The following AXDND1 variants were observed in gnomAD, a reference collection of about 807,000 sequenced individuals.
The protein encoded by AXDND1 is axonemal dynein light chain domain-containing protein 1.
Under a neutral mutation model 137.5 loss-of-function variants are expected in AXDND1, and 110 were observed. The observed-to-expected ratio is 0.80, with a 90% confidence interval of 0.69 to 0.94. The LOEUF (loss-of-function observed/expected upper bound fraction) is 0.94, where lower values mean the gene tolerates loss of function less well. AXDND1 is among the 40% of genes least tolerant of loss of function. The probability of loss-of-function intolerance (pLI) is 0.00; values close to 1 mark genes in which losing one functional copy is unlikely to be tolerated. For missense variants in AXDND1, 1,191 were observed against 1,169.8 expected (o/e 1.02, Z -0.26); for synonymous variants, 414 against 399.7 (o/e 1.04, Z -0.43).
intron 20 of AXDND1, chr1:179,506,999 T>C (rs1195535462): frequency 1.4e-6 from 1 of 709,792 alleles, no homozygotes; most frequent in Non-Finnish European, 1.7e-6. Context: ...GCTCCATTTA[T>C]AGCCAGTGTC....
intron 23 of AXDND1, among the ~76,000 whole-genome samples, chr1:179,529,701 T>A (rs1670876038): frequency 6.6e-6 from 1 of 152,168 alleles, no homozygotes; most frequent in Admixed American, 6.6e-5. Context: ...TCTCAATCTC[T>A]CCTGGGTCCT....
intron 21 of AXDND1, among the ~76,000 whole-genome samples, chr1:179,513,205 A>C (rs1669214545): frequency 6.6e-6 from 1 of 152,324 alleles, no homozygotes; most frequent in South Asian, 2.1e-4. Context: ...TGGATTTGCC[A>C]TAGATGGCTT....
rs1163785221 is a variant in AXDND1, at chr1:179,468,478, C to G, written c.1834C>G (p.Leu612Val). The change falls in exon 17 of 26, where the codon CTT becomes GTT. Residue 612 changes from leucine to valine, a missense_variant. Coordinates refer to ENST00000367618, the MANE Select transcript of AXDND1 (RefSeq NM_144696.6). Reference protein sequence around the residue: ...SKILPSLISSLDFCSFKLENL... With the variant: ...SKILPSLISSVDFCSFKLENL... ...AATTCTTCCAAGTTTGATTAGTTCT[C>G]TTGACTTCTGTTCTTTCAAGTTGGA... is the stretch of plus-strand genomic sequence containing the variant. 6.2e-7 allele frequency: 1 copy of G among 1,612,578 alleles called. No individual in the cohort carries two copies.
chr1:179,543,412 T>C (rs1434727546), intron 25 of AXDND1: 1 of 152,062 alleles, frequency 6.6e-6, no homozygotes, highest in Admixed American at 6.5e-5. Context: ...GGCAACCACA[T>C]GTAAGATGGA....
At chr1:179,410,707 C>T (rs1352425643) in intron 11 of AXDND1, among the ~76,000 whole-genome samples, 2 of 152,112 alleles carry the variant, frequency 1.3e-5, no homozygotes, top group African/African-American at 4.8e-5. Context: ...TTTAGTGGCT[C>T]ACAATTATTG....
intron 11 of AXDND1, among the ~76,000 whole-genome samples, chr1:179,408,577 G>A (rs957011700): frequency 1.3e-5 from 2 of 151,990 alleles, no homozygotes; most frequent in African/African-American, 2.4e-5. Flanking sequence ...ATGGGTTTTC[G>A]CCATGTTGGC....
chr1:179,419,335 AGT>A (rs1655278356), intron 12 of AXDND1, among the ~76,000 whole-genome samples: 1 of 151,946 alleles, frequency 6.6e-6, no homozygotes, highest in African/African-American at 2.4e-5. Flanking sequence ...TTGAGCACTG[AGT>A]GAACGAGACT....
chr1:179,388,870 A>G (rs902975390), intron 9 of AXDND1, among the ~76,000 whole-genome samples: 1 of 151,844 alleles, frequency 6.6e-6, no homozygotes, highest in African/African-American at 2.4e-5. Flanking sequence ...TGCTGGGATA[A>G]CAGGTGTGAG....
intron 16 of AXDND1, chr1:179,448,564 G>A: frequency 3.2e-6 from 1 of 308,388 alleles, no homozygotes; most frequent in Non-Finnish European, 6.4e-6. Context: ...GGCTACAGCT[G>A]AAATTTTCTA....
chr1:179,547,113 A>G (rs961138106), intron 25 of AXDND1, among the ~76,000 whole-genome samples: 1 of 152,236 alleles, frequency 6.6e-6, no homozygotes, highest in African/African-American at 2.4e-5. Context: ...CTGAAATCAA[A>G]TAAGTATCCA....
At chr1:179,448,706 A>G (rs1415785437) in intron 16 of AXDND1, 1 of 166,280 alleles carries the variant, frequency 6.0e-6, no homozygotes, top group Non-Finnish European at 1.3e-5. Context: ...TTTTAAGTAC[A>G]AAAGTTTTTA....
intron 25 of AXDND1, among the ~76,000 whole-genome samples, chr1:179,541,252 A>G (rs1672104275): frequency 6.6e-6 from 1 of 152,166 alleles, no homozygotes; most frequent in African/African-American, 2.4e-5. Context: ...TCCCTTGGCT[A>G]GGAAAGGGAA....
intron 17 of AXDND1, among the ~76,000 whole-genome samples, chr1:179,479,732 G>A (rs144067925): frequency 0.03 from 4,527 of 152,124 alleles, 253 homozygotes; most frequent in African/African-American, 0.1. Flanking sequence ...AGCCGAGATC[G>A]CACCACTGCA....
intron 12 of AXDND1, among the ~76,000 whole-genome samples, chr1:179,417,954 T>C (rs535992963): frequency 2.6e-5 from 4 of 151,236 alleles, no homozygotes; most frequent in African/African-American, 7.3e-5. Context: ...ATATTATTTA[T>C]TGCTATTTTA....
At chr1:179,378,606 GT>G (rs932756953) in intron 4 of AXDND1, 30 bp from the exon 5 acceptor site, 2 of 1,511,170 alleles carry the variant, frequency 1.3e-6, no homozygotes, top group African/African-American at 2.8e-5. Context: ...TAGAAAATTT[GT>G]TTTGTAAATA....
chr1:179,402,065 A>G (rs1022993007), intron 11 of AXDND1, among the ~76,000 whole-genome samples: 1 of 151,700 alleles, frequency 6.6e-6, no homozygotes, highest in Non-Finnish European at 1.5e-5. Flanking sequence ...CCAGCTATTC[A>G]AGAGGCTGAG....
At chr1:179,461,287 G>A (rs760382823) in intron 16 of AXDND1, among the ~76,000 whole-genome samples, 10 of 152,118 alleles carry the variant, frequency 6.6e-5, no homozygotes, top group Non-Finnish European at 1.5e-4. Flanking sequence ...AGTTTTCCCA[G>A]CACCATTTAT....
intron 15 of AXDND1, among the ~76,000 whole-genome samples, chr1:179,440,739 G>T (rs1268836296): frequency 6.6e-6 from 1 of 152,230 alleles, no homozygotes; most frequent in Non-Finnish European, 1.5e-5. Context: ...AAGAGAAGCT[G>T]CACGAGAGCG....
At chr1:179,371,197 G>A (rs1334309773) in intron 4 of AXDND1, among the ~76,000 whole-genome samples, 3 of 152,302 alleles carry the variant, frequency 2.0e-5, no homozygotes, top group South Asian at 2.1e-4. Flanking sequence ...GGAGGCCGAG[G>A]TGGGCAGATC....
Sources: allele counts gnomAD v4.1 joint callset (sites outside exome capture counted in the v4.1 genomes callset), GRCh38; gene constraint gnomAD v4.1.1; transcripts MANE v1.5; gene names NCBI Gene and HGNC (gene_info 2026-07-23, HGNC 2026-07-21).